Variants in CNBD1 observed in about 807,000 individuals in gnomAD.
CNBD1 encodes the protein cyclic nucleotide binding domain containing 1.
Under a neutral mutation model 54.4 loss-of-function variants are expected in CNBD1, and 71 were observed. The observed-to-expected ratio is 1.30, with a 90% CI of 1.08 to 1.59. The LOEUF is 1.59. CNBD1 is among the 40% of genes most tolerant of loss of function. CNBD1 has a pLI of 0.00. For missense variants in CNBD1, 659 were observed against 518.0 expected (o/e 1.27, Z -2.64); for synonymous variants, 182 against 170.7 (o/e 1.07, Z -0.51).
intron 3 of CNBD1, among the ~76,000 whole-genome samples, chr8:86,935,017 G>GTTTATTTATTTA (rs199778224): frequency 2.4e-4 from 16 of 65,930 alleles, no homozygotes; most frequent in African/African-American, 2.9e-4. Context: ...TTGTTTGTTT[G>GTTTATTTATTTA]TTTATTTATT....
At chr8:87,428,534 G>A (rs1300287763) in intron 2 of CNBD1, 2 of 438,942 alleles carry the variant, frequency 4.6e-6, no homozygotes, top group Admixed American at 2.6e-5. Flanking sequence ...GTTTTCTTCT[G>A]TTTTCATCTA....
At chr8:87,358,755 AGT>A (rs1330664029) in intron 10 of CNBD1, among the ~76,000 whole-genome samples, 1 of 152,150 alleles carries the variant, frequency 6.6e-6, no homozygotes, top group Middle Eastern at 3.2e-3. Context: ...TGTAACTCCC[AGT>A]GTGAGGCCAA....
At chr8:86,977,332 C>T (rs1298230626) in intron 4 of CNBD1, among the ~76,000 whole-genome samples, 1 of 152,028 alleles carries the variant, frequency 6.6e-6, no homozygotes, top group African/African-American at 2.4e-5. Flanking sequence ...ACTAATTATT[C>T]ATATGTCATC....
chr8:87,203,088 G>C (rs573663894), intron 4 of CNBD1, among the ~76,000 whole-genome samples: 84 of 152,296 alleles, frequency 5.5e-4, no homozygotes, highest in African/African-American at 1.9e-3. Flanking sequence ...TCTTGAGTAA[G>C]TTATTTAACA....
At chr8:87,159,198 A>G (rs1485278909) in intron 4 of CNBD1, among the ~76,000 whole-genome samples, 1 of 152,190 alleles carries the variant, frequency 6.6e-6, no homozygotes, top group African/African-American at 2.4e-5. Flanking sequence ...AGTTTCTATT[A>G]GTACCTGCCA....
At chr8:86,885,781 C>G (rs1016023092) in intron 1 of CNBD1, among the ~76,000 whole-genome samples, 4 of 152,182 alleles carry the variant, frequency 2.6e-5, no homozygotes, top group African/African-American at 9.6e-5. Context: ...TTAAAGTGTT[C>G]TTCTACTAGG....
chr8:87,389,421 A>G (rs1013225923), intron 2 of CNBD1, among the ~76,000 whole-genome samples: 4 of 152,344 alleles, frequency 2.6e-5, no homozygotes, highest in East Asian at 1.9e-4. Flanking sequence ...TATAAAATCA[A>G]TGTGCAAAAA....
At chr8:87,422,577 T>G (rs1025068859) in intron 2 of CNBD1, among the ~76,000 whole-genome samples, 20 of 152,150 alleles carry the variant, frequency 1.3e-4, no homozygotes, top group African/African-American at 4.3e-4. Context: ...AAAGATCAGA[T>G]AGTTGCAGAT....
At chr8:87,424,352 T>G (rs1808004665) in intron 2 of CNBD1, among the ~76,000 whole-genome samples, 1 of 152,152 alleles carries the variant, frequency 6.6e-6, no homozygotes, top group African/African-American at 2.4e-5. Context: ...TTTCTAGTTC[T>G]TTTAATTGTG....
At chr8:87,041,034 A>G (rs907108751) in intron 4 of CNBD1, among the ~76,000 whole-genome samples, 4 of 152,104 alleles carry the variant, frequency 2.6e-5, no homozygotes, top group Admixed American at 2.6e-4. Context: ...AGTCTGGTGC[A>G]GTAGTAATTG....
At chr8:87,343,488 G>T (rs112835120) in intron 8 of CNBD1, among the ~76,000 whole-genome samples, 2 of 152,266 alleles carry the variant, frequency 1.3e-5, no homozygotes, top group Admixed American at 6.5e-5. Flanking sequence ...GCTTCAGCCG[G>T]TCCCTCCATT....
At chr8:87,321,732 G>A (rs905327246) in intron 8 of CNBD1, among the ~76,000 whole-genome samples, 1 of 150,962 alleles carries the variant, frequency 6.6e-6, no homozygotes, top group African/African-American at 2.4e-5. Flanking sequence ...TTTTGTGCCT[G>A]TGCTTTTGGT....
chr8:87,266,803 GT>G (rs996289420), intron 6 of CNBD1, among the ~76,000 whole-genome samples: 1 of 151,958 alleles, frequency 6.6e-6, no homozygotes, highest in African/African-American at 2.4e-5. Flanking sequence ...AGTAATGTGG[GT>G]TCATTCATTT....
chr8:87,327,663 G>C (rs141023946), intron 8 of CNBD1, among the ~76,000 whole-genome samples: 4 of 152,190 alleles, frequency 2.6e-5, no homozygotes, highest in South Asian at 2.1e-4. Context: ...GCTTCGGCTC[G>C]TGCCCGGTGC....
intron 10 of CNBD1, among the ~76,000 whole-genome samples, chr8:87,371,124 A>C (rs1586055458): frequency 6.6e-6 from 1 of 151,688 alleles, no homozygotes; most frequent in East Asian, 1.9e-4. Flanking sequence ...TGTTTTGGTT[A>C]CTGTAGCCTT....
chr8:86,980,554 T>A (rs906613233), intron 4 of CNBD1, among the ~76,000 whole-genome samples: 6 of 152,216 alleles, frequency 3.9e-5, no homozygotes, highest in Admixed American at 2.0e-4. Context: ...TAAAGTTTAT[T>A]CTAATAGCTT....
At chr8:86,895,280 G>A (rs1808833972) in intron 2 of CNBD1, among the ~76,000 whole-genome samples, 1 of 148,790 alleles carries the variant, frequency 6.7e-6, no homozygotes, top group African/African-American at 2.5e-5. Flanking sequence ...GTGTGTGTGT[G>A]TTTGGCTTGA....
At chr8:87,245,859 G>A (rs1004763501) in intron 6 of CNBD1, among the ~76,000 whole-genome samples, 1 of 151,544 alleles carries the variant, frequency 6.6e-6, no homozygotes, top group Admixed American at 6.6e-5. Flanking sequence ...TATTATTATG[G>A]ATATATTGTT....
At chr8:87,318,523 G>T (rs997440183) in intron 8 of CNBD1, among the ~76,000 whole-genome samples, 2 of 152,090 alleles carry the variant, frequency 1.3e-5, no homozygotes, top group East Asian at 1.9e-4. Context: ...CACATCAGAG[G>T]TTGTTCCCTC....
Sources: gnomAD v4.1 joint callset for allele counts (sites outside exome capture counted in the v4.1 genomes callset) on GRCh38, gnomAD v4.1.1 for gene constraint, MANE v1.5 for transcripts, NCBI Gene and HGNC (gene_info 2026-07-23, HGNC 2026-07-21) for gene names.